Variants in COP1 observed in about 807,000 individuals in gnomAD.
The protein encoded by COP1 is E3 ubiquitin-protein ligase COP1.
In COP1, 24 loss-of-function variants were observed where a neutral mutation model predicts 101.3. That is an observed-to-expected ratio of 0.24 (90% CI 0.17 to 0.33). The LOEUF is 0.33. COP1 is among the 10% of genes least tolerant of loss of function. The pLI, the probability that COP1 is intolerant of heterozygous loss-of-function variation, is 1.00. For synonymous variants in COP1, 347 were observed against 341.9 expected, an observed-to-expected ratio of 1.01 and a Z score of -0.17; for missense variants, 663 against 906.2, an observed-to-expected ratio of 0.73 and a Z score of 3.45.
In COP1 at chr1:175,953,849, T is replaced by A. The variant is rs565549277; in HGVS notation, c.2134-6610A>T. ...ACTAAATAGAATAAATTGACTCATG[T>A]TTGGAACTTTTAACAGTCACCTTTC... On this transcript the variant is annotated intron_variant, in intron 18 of 19. Transcript: ENST00000367669. Among the ~76,000 whole-genome samples the A allele has an allele frequency of 2.0e-5, 3 of 151,378 alleles. No individual in the cohort carries two copies. In the South Asian group the frequency reaches 6.3e-4, roughly 32 times the overall value.
chr1:176,078,354 C>A (rs1368946050), intron 11 of COP1, among the ~76,000 whole-genome samples: 3 of 152,086 alleles, frequency 2.0e-5, no homozygotes, highest in Admixed American at 6.6e-5. Flanking sequence ...TAAACCTACA[C>A]CATCTGATCT....
At chr1:175,980,798 T>C (rs1655658648) in intron 18 of COP1, among the ~76,000 whole-genome samples, 1 of 152,076 alleles carries the variant, frequency 6.6e-6, no homozygotes, top group African/African-American at 2.4e-5. Context: ...CCACTTAGGA[T>C]TGGTGAGTAG....
chr1:176,140,269 A>G (rs1274606409), intron 6 of COP1, among the ~76,000 whole-genome samples: 1 of 152,216 alleles, frequency 6.6e-6, no homozygotes, highest in Non-Finnish European at 1.5e-5. Context: ...TTACTTCAAA[A>G]ACAGCAATTT....
chr1:176,157,670 T>C (rs1693680735), intron 5 of COP1, among the ~76,000 whole-genome samples: 1 of 152,160 alleles, frequency 6.6e-6, no homozygotes, highest in African/African-American at 2.4e-5. Flanking sequence ...GTAACTTAAC[T>C]ACATGTCAGG....
intron 6 of COP1, among the ~76,000 whole-genome samples, chr1:176,139,288 C>G (rs200563057): frequency 9.2e-6 from 1 of 108,384 alleles, no homozygotes; most frequent in East Asian, 2.4e-4. Flanking sequence ...ACAAAAAAAA[C>G]AAAAAAAAAA....
intron 15 of COP1, among the ~76,000 whole-genome samples, chr1:176,007,665 G>GGGTCAGT (rs1372041980): frequency 6.6e-6 from 1 of 152,080 alleles, no homozygotes; most frequent in Non-Finnish European, 1.5e-5. Context: ...CAGGGGTCAG[G>GGGTCAGT]GGTCAGGGAC....
At chr1:176,114,144 A>G (rs1037206297) in intron 9 of COP1, among the ~76,000 whole-genome samples, 2 of 152,138 alleles carry the variant, frequency 1.3e-5, no homozygotes, top group African/African-American at 4.8e-5. Context: ...TTCCAGATAC[A>G]GGGACTGCTA....
chr1:176,204,322 C>T (rs1700604481), intron 1 of COP1, among the ~76,000 whole-genome samples: 1 of 151,954 alleles, frequency 6.6e-6, no homozygotes, highest in East Asian at 1.9e-4. Context: ...TTAAAATGTC[C>T]CATAAATGAA....
intron 16 of COP1, 148 bp downstream of exon 16, chr1:175,989,214 G>T: frequency 4.1e-6 from 2 of 491,002 alleles, no homozygotes; most frequent in Non-Finnish European, 7.4e-6. Flanking sequence ...ACTTTAATTG[G>T]ACAAGATTAA....
intron 11 of COP1, among the ~76,000 whole-genome samples, chr1:176,055,610 A>G (rs1434701324): frequency 6.6e-6 from 1 of 152,144 alleles, no homozygotes; most frequent in South Asian, 2.1e-4. Context: ...ACCTCTCTCT[A>G]CACTACTGCC....
chr1:176,078,329 C>T (rs1484770703), intron 11 of COP1, among the ~76,000 whole-genome samples: 3 of 151,934 alleles, frequency 2.0e-5, no homozygotes, highest in Non-Finnish European at 2.9e-5. Flanking sequence ...AATACAGAAC[C>T]CAGGCATAAA....
At chr1:176,049,679 T>C (rs1672207982) in intron 11 of COP1, among the ~76,000 whole-genome samples, 1 of 152,120 alleles carries the variant, frequency 6.6e-6, no homozygotes, top group Non-Finnish European at 1.5e-5. Context: ...CTCTGACATA[T>C]TTAATCATAT....
At chr1:176,045,065 C>T (rs912359136) in intron 12 of COP1, among the ~76,000 whole-genome samples, 3 of 152,108 alleles carry the variant, frequency 2.0e-5, no homozygotes, top group African/African-American at 7.2e-5. Flanking sequence ...ACTCTAGAAC[C>T]AAACTACTTC....
rs1307113918 is a variant in COP1 at position 175,950,386 on chromosome 1, T to C, written c.2134-3147A>G. On this transcript the variant is annotated intron_variant, in intron 18 of 19. Coordinates refer to ENST00000367669, the MANE Select transcript of COP1 (RefSeq NM_022457.7). ...AATTAAACTATCAGATAGCTAGATA[T>C]TGGCTTAAGATAAATTATTTTTTTT... Among the ~76,000 whole-genome samples the C allele has an allele frequency of 3.3e-5, 5 of 152,300 alleles. No individual in the cohort carries two copies. In the South Asian group the frequency reaches 1.0e-3, roughly 32 times the overall value.
chr1:176,196,790 A>G (rs1044401572), intron 1 of COP1, among the ~76,000 whole-genome samples: 1 of 152,024 alleles, frequency 6.6e-6, no homozygotes, highest in Non-Finnish European at 1.5e-5. Flanking sequence ...CTATAATCCC[A>G]GCACTTTGAG....
At position 176,158,785 on chromosome 1, in the gene COP1, G is replaced by A. The variant is rs149468707; in HGVS notation, c.762+4084C>T. Among the ~76,000 whole-genome samples the A allele has an allele frequency of 2.6e-3, 396 of 151,834 alleles. 3 individuals are homozygous for A. Among genetic ancestry groups the A allele is most frequent in the African/African-American group, 9.1e-3 (377 of 41,418 alleles). On this transcript the variant is annotated intron_variant, in intron 5 of 19. Transcript: ENST00000367669. Reference sequence around the variant, plus strand: ...CTCCCAAGTAGCTGGGACTATAGGCGCACACCGCCATACCCAGCTAATTTT... The same window carrying A: ...CTCCCAAGTAGCTGGGACTATAGGCACACACCGCCATACCCAGCTAATTTT...
At chr1:176,011,247 T>G (rs189677963) in intron 15 of COP1, among the ~76,000 whole-genome samples, 1 of 152,162 alleles carries the variant, frequency 6.6e-6, no homozygotes, top group East Asian at 1.9e-4. Flanking sequence ...AAACTAAAAC[T>G]TACTTTCTCA....
intron 15 of COP1, among the ~76,000 whole-genome samples, chr1:175,998,592 A>G (rs1660860036): frequency 6.6e-6 from 1 of 152,114 alleles, no homozygotes; most frequent in Admixed American, 6.6e-5. Flanking sequence ...ATCTGTATAT[A>G]GCATTTCAGG....
chr1:176,081,625 A>C (rs1679177543), intron 10 of COP1, among the ~76,000 whole-genome samples: 1 of 152,104 alleles, frequency 6.6e-6, no homozygotes, highest in Admixed American at 6.5e-5. Context: ...TGAGGATATT[A>C]AGAAGAGTAC....
Sources: gnomAD v4.1 joint callset for allele counts (sites outside exome capture counted in the v4.1 genomes callset) on GRCh38, gnomAD v4.1.1 for gene constraint, MANE v1.5 for transcripts, NCBI Gene and HGNC (gene_info 2026-07-23, HGNC 2026-07-21) for gene names.